AGAP1: variants seen among roughly 807,000 people sequenced by gnomAD.
AGAP1 encodes the protein ArfGAP with GTPase domain, ankyrin repeat and PH domain 1.
A neutral mutation model predicts 105.3 loss-of-function variants in AGAP1; 29 were observed. The observed-to-expected ratio is 0.28, with a 90% CI of 0.21 to 0.38. The LOEUF (loss-of-function observed/expected upper bound fraction) is 0.38. Ranked by LOEUF, AGAP1 falls within the 10% of genes least tolerant of loss-of-function variation. The pLI is 1.00. For missense variants in AGAP1, 998 were observed against 1,165.1 expected, an observed-to-expected ratio of 0.86 and a Z score of 2.09; for synonymous variants, 509 against 485.9, an observed-to-expected ratio of 1.05 and a Z score of -0.63.
chr2:235,670,306 TGAG>T (rs1473423427), intron 1 of AGAP1: 3 of 455,776 alleles, frequency 6.6e-6, no homozygotes, highest in South Asian at 8.0e-5. Context: ...CCGGGAGGCT[TGAG>T]GAGGAGGCCG....
At chr2:235,938,779 A>G (rs780845544) in intron 12 of AGAP1, among the ~76,000 whole-genome samples, 1 of 152,092 alleles carries the variant, frequency 6.6e-6, no homozygotes, top group Non-Finnish European at 1.5e-5. Context: ...GAGGGCCGAG[A>G]TGGGGAGAGG....
intron 6 of AGAP1, among the ~76,000 whole-genome samples, chr2:235,780,774 A>G (rs1170984521): frequency 6.6e-6 from 1 of 152,242 alleles, no homozygotes; most frequent in Non-Finnish European, 1.5e-5. Flanking sequence ...TTTTGAAGAT[A>G]GTTCTCCCGC....
chr2:236,012,764 AATT>A lies in AGAP1; in HGVS notation c.1646-23772_1646-23770del, dbSNP rs35595393. Among the ~76,000 whole-genome samples the A allele has an allele frequency of 0.022, 3,241 of 148,738 alleles. 116 individuals carry two copies. The highest frequency in any genetic ancestry group is 0.076 in the African/African-American group (3,084 of 40,430). On this transcript the variant is annotated intron_variant, in intron 13 of 17. Coordinates refer to ENST00000304032, the MANE Select transcript of AGAP1 (RefSeq NM_001037131.3). The surrounding 1 kb of genome is among the most constrained non-coding windows in gnomAD (Gnocchi z 4.9). ...CTAGTTTAGAGGTTGTTTCTTACTA[AATT>A]ATTATTATTATTATTATTATTATTC... is the stretch of plus-strand genomic sequence containing the variant.
In AGAP1 at chr2:236,096,563, C is replaced by G. The variant is rs1367557370; in HGVS notation, c.2115-23629C>G. On this transcript the variant is annotated intron_variant, in intron 16 of 17. Transcript: ENST00000304032. The surrounding 1 kb of genome is among the most constrained non-coding windows in gnomAD (Gnocchi z 4.4). The stretch of plus-strand genomic sequence containing the variant: ...GGAATGCCAGTGCAGACAAATGATG[C>G]AGTTTTATTTTTTATTTATTTTTTA... Among the ~76,000 whole-genome samples, 1 of 151,408 alleles carries G rather than the reference C, an allele frequency of 6.6e-6. No homozygotes were observed. The highest frequency in any genetic ancestry group is 1.9e-4 in the East Asian group (1 of 5,144).
chr2:236,097,921 C>T (rs912855169), intron 16 of AGAP1, among the ~76,000 whole-genome samples: 1 of 152,166 alleles, frequency 6.6e-6, no homozygotes, highest in Non-Finnish European at 1.5e-5. Flanking sequence ...TAGTATGTGT[C>T]TTTTGTGCCT....
At position 236,096,869 on chromosome 2, in the gene AGAP1, C is replaced by G. The variant is rs140977790; in HGVS notation, c.2115-23323C>G. ...TGCTGGGATTACAGGCGTGAGCCAC[C>G]CTGCCGGGCCAAATGATGCACTTTT... On this transcript the variant is annotated intron_variant, in intron 16 of 17. Transcript: ENST00000304032. This position sits in a 1 kb window ranked among gnomAD's most constrained non-coding sequence, Gnocchi z 4.4. 5.3e-3 allele frequency among the ~76,000 whole-genome samples: 808 copies of G among 152,256 alleles called. 6 individuals are homozygous for G. Among genetic ancestry groups the G allele is most frequent in the African/African-American group, 0.019 (773 of 41,554 alleles).
intron 13 of AGAP1, among the ~76,000 whole-genome samples, chr2:236,024,558 G>A (rs933726122): frequency 6.6e-6 from 1 of 152,088 alleles, no homozygotes; most frequent in South Asian, 2.1e-4. Flanking sequence ...AATGTGAAAC[G>A]GTTTTCAGCT....
intron 9 of AGAP1, among the ~76,000 whole-genome samples, chr2:235,807,700 C>G (rs751668364): frequency 2.0e-5 from 3 of 152,156 alleles, no homozygotes; most frequent in Non-Finnish European, 4.4e-5. Flanking sequence ...AGGAACAGCC[C>G]GACGTGGCCC....
chr2:235,711,861 G>A (rs1312688272), intron 2 of AGAP1, among the ~76,000 whole-genome samples: 2 of 152,146 alleles, frequency 1.3e-5, no homozygotes, highest in African/African-American at 4.8e-5. Context: ...CAGGAACCCA[G>A]CCCCTGCTTC....
At position 235,830,650 on chromosome 2, in the gene AGAP1, G is replaced by T. The variant is rs962852598; in HGVS notation, c.1050+23319G>T. Among the ~76,000 whole-genome samples, 2 of 151,686 alleles carry T rather than the reference G, an allele frequency of 1.3e-5. No individual in the cohort carries two copies. Among genetic ancestry groups the T allele is most frequent in the Non-Finnish European group, 2.9e-5 (2 of 67,970 alleles). ...GAAGCAATGTTGGTAGGGGGTGGGG[G>T]TTGCACCTTGAGGTTTCTAGGCCAG... On this transcript the variant is annotated intron_variant, in intron 9 of 17. Coordinates refer to ENST00000304032, the MANE Select transcript of AGAP1 (RefSeq NM_001037131.3). This position sits in a 1 kb window ranked among gnomAD's most constrained non-coding sequence, Gnocchi z 5.5.
At chr2:235,675,778 G>C (rs189237870) in intron 1 of AGAP1, among the ~76,000 whole-genome samples, 32 of 152,284 alleles carry the variant, frequency 2.1e-4, no homozygotes, top group Non-Finnish European at 2.9e-5. Flanking sequence ...GCTGTGGGCT[G>C]TGTCCTGCTG....
At position 235,597,356 on chromosome 2, in the gene AGAP1, C is replaced by G. The variant is rs912471225; in HGVS notation, c.163+102507C>G. ...AGATGAGGACGGGGCTTGCTTTGTC[C>G]TCTGCCACACACAGCCCTTCATGCA... On this transcript the variant is annotated intron_variant, in intron 1 of 17. Coordinates refer to ENST00000304032, the MANE Select transcript of AGAP1 (RefSeq NM_001037131.3). Among the ~76,000 whole-genome samples the G allele has an allele frequency of 5.9e-5, 9 of 152,314 alleles. 1 individual carries two copies. Among genetic ancestry groups the G allele is most frequent in the African/African-American group, 2.2e-4 (9 of 41,590 alleles).
In AGAP1 at chr2:235,967,302, G is replaced by A. The variant is rs1377684675; in HGVS notation, c.1484-1160G>A. 6.6e-6 allele frequency among the ~76,000 whole-genome samples: 1 copy of A among 152,084 alleles called. No homozygotes were observed. The highest frequency in any genetic ancestry group is 1.5e-5 in the Non-Finnish European group (1 of 68,016). ...CCCGTGCTCAGCGAGACCTACCCCAGCTACCCTATTTTAAATGACACCCCC... is the reference window on the plus strand; with the variant it reads ...CCCGTGCTCAGCGAGACCTACCCCAACTACCCTATTTTAAATGACACCCCC... On this transcript the variant is annotated intron_variant, in intron 12 of 17. Transcript: ENST00000304032. The surrounding 1 kb of genome is among the most constrained non-coding windows in gnomAD (Gnocchi z 4.7).
intron 8 of AGAP1, among the ~76,000 whole-genome samples, chr2:235,800,938 G>A (rs114754438): frequency 0.014 from 2,155 of 152,300 alleles, 39 homozygotes; most frequent in African/African-American, 0.049. Flanking sequence ...AGGGGTGGCT[G>A]GGAGTCAGAT....
At position 235,973,429 on chromosome 2, in the gene AGAP1, G is replaced by A. The variant is rs1320689922; in HGVS notation, c.1645+4806G>A. On this transcript the variant is annotated intron_variant, in intron 13 of 17. Coordinates refer to ENST00000304032, the MANE Select transcript of AGAP1 (RefSeq NM_001037131.3). This position sits in a 1 kb window ranked among gnomAD's most constrained non-coding sequence, Gnocchi z 4.7. ...TGTGGATGACAGAGCCCGTCGCTAG[G>A]CTCTTATGTCACAGATGGGCTGCTG... 1.3e-5 allele frequency among the ~76,000 whole-genome samples: 2 copies of A among 152,206 alleles called. No individual in the cohort carries two copies. Among genetic ancestry groups the A allele is most frequent in the African/African-American group, 4.8e-5 (2 of 41,442 alleles).
At chr2:236,086,883 C>A (rs1001270835) in intron 16 of AGAP1, among the ~76,000 whole-genome samples, 2 of 150,702 alleles carry the variant, frequency 1.3e-5, no homozygotes, top group African/African-American at 4.9e-5. Context: ...ACCTCCCTCC[C>A]TCCAAAAATC....
rs2053983085 is a variant in AGAP1 at position 235,957,077 on chromosome 2, C to G, written c.1484-11385C>G. 6.6e-6 allele frequency among the ~76,000 whole-genome samples: 1 copy of G among 152,226 alleles called. No homozygotes were observed. The highest frequency in any genetic ancestry group is 1.5e-5 in the Non-Finnish European group (1 of 68,032). ...CAATGCAGTAGTTTTTAGTATCTCA[C>G]AGATACCTGCAACCATCACCACAGT... On this transcript the variant is annotated intron_variant, in intron 12 of 17. Transcript: ENST00000304032. This position sits in a 1 kb window ranked among gnomAD's most constrained non-coding sequence, Gnocchi z 4.6.
chr2:235,603,351 C>T (rs1448950640), intron 1 of AGAP1, among the ~76,000 whole-genome samples: 5 of 152,314 alleles, frequency 3.3e-5, no homozygotes, highest in East Asian at 3.9e-4. Context: ...CTAGGGTATG[C>T]CTTTATCAGC....
rs1429592545 is a variant in AGAP1, at chr2:235,729,086, G to T, written c.310+11442G>T. Among the ~76,000 whole-genome samples the T allele has an allele frequency of 6.6e-6, 1 of 152,128 alleles. No homozygotes were observed. The highest frequency in any genetic ancestry group is 6.5e-5 in the Admixed American group (1 of 15,280). ...CTCCAGGGCTCCAGCCAGGCTATTA[G>T]CAGGAGCACTGGCTTTGGAGGGGGA... On this transcript the variant is annotated intron_variant, in intron 3 of 17. Coordinates refer to ENST00000304032, the MANE Select transcript of AGAP1 (RefSeq NM_001037131.3). This position sits in a 1 kb window ranked among gnomAD's most constrained non-coding sequence, Gnocchi z 5.0.
Sources: allele counts gnomAD v4.1 joint callset (sites outside exome capture counted in the v4.1 genomes callset), GRCh38; gene constraint gnomAD v4.1.1; non-coding constraint Gnocchi (gnomAD v3.1); transcripts MANE v1.5; gene names NCBI Gene and HGNC (gene_info 2026-07-23, HGNC 2026-07-21).